TPRG1: variants seen among roughly 807,000 people sequenced by gnomAD.
TPRG1 encodes the protein tumor protein p63-regulated gene 1 protein.
Under a neutral mutation model 29.3 loss-of-function variants are expected in TPRG1, and 29 were observed. The ratio of observed to expected loss-of-function variants is 0.99; its 90% CI spans 0.74 to 1.35. TPRG1 has a LOEUF of 1.35. Ranked by LOEUF, TPRG1 falls within the 40% of genes most tolerant of loss-of-function variation. The probability of loss-of-function intolerance (pLI) is 0.00; values close to 1 mark genes in which losing one functional copy is unlikely to be tolerated. For missense variants in TPRG1, 327 were observed against 335.0 expected (o/e 0.98, Z 0.19); for synonymous variants, 130 against 116.8 (o/e 1.11, Z -0.73).
At chr3:189,099,920 C>T (rs1379936776), upstream of TPRG1, among the ~76,000 whole-genome samples, 1 of 152,146 alleles carries the variant, frequency 6.6e-6, no homozygotes, top group Non-Finnish European at 1.5e-5. Context: ...ACCAGAAGTC[C>T]AGTGATGGAC....
chr3:189,120,095 C>T (rs112147973), intron 1 of TPRG1, among the ~76,000 whole-genome samples: 24 of 152,254 alleles, frequency 1.6e-4, no homozygotes, highest in African/African-American at 4.8e-4. Flanking sequence ...CGAACAAACC[C>T]CAAACAAATA....
chr3:189,254,290 T>C (rs1742722290), intron 4 of TPRG1, among the ~76,000 whole-genome samples: 1 of 152,206 alleles, frequency 6.6e-6, no homozygotes, highest in Admixed American at 6.5e-5. Context: ...CCTTTCCCCA[T>C]TGCTTGTTTT....
Position 189,137,296 on chromosome 3 carries a change from ATGTGTGTGTGTGTGTG to A in TPRG1, c.-291+4637_-291+4652del, listed in dbSNP as rs10525363. On this transcript the variant is annotated intron_variant, in intron 3 of 6. Transcript: ENST00000412373. ...ATAAACAGCTTCTGAAAACCCCAAA[ATGTGTGTGTGTGTGTG>A]TGTGTGTGTGTGTGTGTGTGTGTGT... is the stretch of plus-strand genomic sequence containing the variant. Among the ~76,000 whole-genome samples, 236 of 129,904 alleles carry A rather than the reference ATGTGTGTGTGTGTGTG, an allele frequency of 1.8e-3. 1 individual carries two copies. The highest frequency in any genetic ancestry group is 4.9e-3 in the African/African-American group (174 of 35,252). The allele number at this position is 129,904 out of a possible 152,430, so 85.2% of individuals were successfully genotyped here. A position where few individuals can be genotyped will look rare whatever the true frequency, so the allele number is the denominator to read the frequency against.
intron 4 of TPRG1, among the ~76,000 whole-genome samples, chr3:189,304,706 C>T (rs1220344818): frequency 2.0e-5 from 3 of 152,038 alleles, no homozygotes; most frequent in East Asian, 1.9e-4. Context: ...CATTGAATAC[C>T]CTCCAGGGTG....
chr3:189,115,081 A>G (rs1578403077), intron 1 of TPRG1, among the ~76,000 whole-genome samples: 2 of 152,360 alleles, frequency 1.3e-5, no homozygotes, highest in Admixed American at 1.3e-4. Context: ...GTTCTCTGAC[A>G]GGTAGAGGTT....
chr3:189,002,558 C>T (rs1712083517), intron 2 of TPRG1, among the ~76,000 whole-genome samples: 1 of 152,134 alleles, frequency 6.6e-6, no homozygotes, highest in Admixed American at 6.6e-5. Flanking sequence ...CGTATGAATT[C>T]ACAGAGTTGG....
intron 1 of TPRG1, among the ~76,000 whole-genome samples, chr3:189,122,998 G>A (rs1722014091): frequency 6.6e-6 from 1 of 152,166 alleles, no homozygotes. Flanking sequence ...CCTTGTATCA[G>A]GGAGAATGAA....
At chr3:189,317,995 A>G (rs1359039380) in intron 5 of TPRG1, among the ~76,000 whole-genome samples, 1 of 152,150 alleles carries the variant, frequency 6.6e-6, no homozygotes, top group Admixed American at 6.6e-5. Context: ...TTATAGTCAC[A>G]GGGTCTCTAT....
At chr3:189,074,608 A>T (rs1717021953) in intron 4 of TPRG1, among the ~76,000 whole-genome samples, 2 of 151,656 alleles carry the variant, frequency 1.3e-5, no homozygotes, top group Admixed American at 6.6e-5. Flanking sequence ...TCATTCTTTC[A>T]TGTTTTTATT....
chr3:189,114,117 T>G (rs1720896534), intron 1 of TPRG1, among the ~76,000 whole-genome samples: 1 of 152,132 alleles, frequency 6.6e-6, no homozygotes, highest in Admixed American at 6.5e-5. Flanking sequence ...ATGAGGGAGC[T>G]TCTATGAAGA....
chr3:189,272,490 T>C (rs1715318396), intron 4 of TPRG1, among the ~76,000 whole-genome samples: 1 of 152,114 alleles, frequency 6.6e-6, no homozygotes, highest in Non-Finnish European at 1.5e-5. Context: ...GACTGTTGCT[T>C]ATTGTGTCTG....
At chr3:189,121,254 T>C (rs1246602381) in intron 1 of TPRG1, 1 of 152,188 alleles carries the variant, frequency 6.6e-6, no homozygotes, top group Non-Finnish European at 1.5e-5. Context: ...GCAGAGACAA[T>C]GCCCTGTTTT....
chr3:189,018,114 T>C (rs1713056779), intron 3 of TPRG1, among the ~76,000 whole-genome samples: 4 of 152,236 alleles, frequency 2.6e-5, no homozygotes, highest in Admixed American at 6.5e-5. Flanking sequence ...AAGTTCTTTG[T>C]AGATTCTGGA....
intron 3 of TPRG1, among the ~76,000 whole-genome samples, chr3:189,008,481 T>C (rs1712425820): frequency 6.6e-6 from 1 of 152,182 alleles, no homozygotes; most frequent in Non-Finnish European, 1.5e-5. Context: ...CATAATGTAG[T>C]GGAAATAACC....
chr3:189,225,882 A>G (rs923855390), intron 3 of TPRG1, among the ~76,000 whole-genome samples: 1 of 152,242 alleles, frequency 6.6e-6, no homozygotes, highest in South Asian at 2.1e-4. Flanking sequence ...GTAGAGTGCT[A>G]AGTAAAGAAA....
At chr3:189,049,304 G>C (rs1013928847) in intron 4 of TPRG1, among the ~76,000 whole-genome samples, 1 of 152,168 alleles carries the variant, frequency 6.6e-6, no homozygotes, top group Non-Finnish European at 1.5e-5. Flanking sequence ...TGTGGGTAGT[G>C]GGGGCATAGT....
At chr3:189,023,213 A>G (rs983674944) in intron 3 of TPRG1, among the ~76,000 whole-genome samples, 4 of 152,224 alleles carry the variant, frequency 2.6e-5, no homozygotes, top group Non-Finnish European at 5.9e-5. Flanking sequence ...TGGGAGCTGC[A>G]GACCGGAGCT....
intron 1 of TPRG1, among the ~76,000 whole-genome samples, chr3:189,188,434 G>T (rs1395781207): frequency 5.9e-5 from 9 of 152,164 alleles, no homozygotes; most frequent in Non-Finnish European, 1.3e-4. Flanking sequence ...CAAGTTCTAG[G>T]TCCGATGGGT....
chr3:189,313,521 AG>A, intron 5 of TPRG1, among the ~76,000 whole-genome samples: 1 of 152,326 alleles, frequency 6.6e-6, no homozygotes, highest in South Asian at 2.1e-4. Flanking sequence ...TCTCACGGGG[AG>A]GGAATAACAT....
Sources: allele counts gnomAD v4.1 joint callset (sites outside exome capture counted in the v4.1 genomes callset), GRCh38; gene constraint gnomAD v4.1.1; transcripts MANE v1.5; gene names NCBI Gene and HGNC (gene_info 2026-07-23, HGNC 2026-07-21).